The following KYNU variants were observed in gnomAD, a reference collection of about 807,000 sequenced individuals.
KYNU encodes the protein kynureninase.
In KYNU, 54 loss-of-function variants were observed where a neutral mutation model predicts 59.2. That is an observed-to-expected ratio of 0.91 (90% confidence interval 0.73 to 1.14). KYNU has a LOEUF of 1.14. Ranked by LOEUF, KYNU falls within the 50% of genes most tolerant of loss-of-function variation. The pLI is 0.00. For synonymous variants in KYNU, 177 were observed against 192.0 expected, an observed-to-expected ratio of 0.92 and a Z score of 0.65; for missense variants, 567 against 554.4, an observed-to-expected ratio of 1.02 and a Z score of -0.23.
intron 10 of KYNU, among the ~76,000 whole-genome samples, chr2:142,987,777 GA>G (rs1685261675): frequency 6.6e-6 from 1 of 151,922 alleles, no homozygotes; most frequent in South Asian, 2.1e-4. Context: ...ATCTCATGTA[GA>G]ATTGTAATCC....
chr2:143,011,778 T>C (rs1454194488), intron 10 of KYNU, among the ~76,000 whole-genome samples: 5 of 114,534 alleles, frequency 4.4e-5, no homozygotes, highest in South Asian at 3.3e-4. Flanking sequence ...ATGGATGAAA[T>C]TGGAAATCAT....
chr2:143,007,215 A>T (rs1345728945), intron 10 of KYNU, among the ~76,000 whole-genome samples: 3 of 150,372 alleles, frequency 2.0e-5, no homozygotes, highest in African/African-American at 7.5e-5. Flanking sequence ...TGCTTAAAGG[A>T]GCTGATGGAG....
intron 8 of KYNU, among the ~76,000 whole-genome samples, chr2:142,967,651 G>A (rs1684590139): frequency 6.6e-6 from 1 of 152,032 alleles, no homozygotes. Context: ...CCACCTCAGT[G>A]AACCTTCTAT....
chr2:142,952,088 T>C (rs1329255105), intron 4 of KYNU, among the ~76,000 whole-genome samples: 1 of 152,162 alleles, frequency 6.6e-6, no homozygotes, highest in Non-Finnish European at 1.5e-5. Context: ...TTTGTTTGTT[T>C]GTTTTGTTTT....
At chr2:142,917,828 AG>A (rs1682716013) in intron 2 of KYNU, among the ~76,000 whole-genome samples, 1 of 152,260 alleles carries the variant, frequency 6.6e-6, no homozygotes, top group Non-Finnish European at 1.5e-5. Flanking sequence ...GGTTTAATTA[AG>A]TAGTCTGAAG....
At chr2:142,943,963 A>G (rs1047432364) in intron 4 of KYNU, among the ~76,000 whole-genome samples, 2 of 152,206 alleles carry the variant, frequency 1.3e-5, no homozygotes, top group African/African-American at 4.8e-5. Context: ...CTCTTATCCA[A>G]TGGTAAACAG....
chr2:142,989,337 C>T, intron 10 of KYNU: 1 of 1,015,200 alleles, frequency 9.9e-7, no homozygotes, highest in Non-Finnish European at 1.2e-6. Flanking sequence ...TTTCTGTTCT[C>T]TTAGAGCTTT....
At chr2:142,905,696 T>C (rs549807413) in intron 2 of KYNU, among the ~76,000 whole-genome samples, 1 of 152,342 alleles carries the variant, frequency 6.6e-6, no homozygotes, top group Non-Finnish European at 1.5e-5. Flanking sequence ...TAAAGGTTAT[T>C]TTTCTACTTT....
chr2:142,916,266 C>G (rs1682665202), intron 2 of KYNU, among the ~76,000 whole-genome samples: 1 of 152,152 alleles, frequency 6.6e-6, no homozygotes, highest in Admixed American at 6.5e-5. Context: ...CTGATGAACT[C>G]TTTTAACATG....
chr2:142,986,152 C>T lies in KYNU; in HGVS notation c.902+131C>T, dbSNP rs1685192545. 5 of 693,952 alleles carry T rather than the reference C, an allele frequency of 7.2e-6. No homozygotes were observed. In the Admixed American group the frequency reaches 1.1e-4, roughly 15 times the overall value. 43.0% of individuals were successfully genotyped at this position (693,952 alleles called of 1,614,324 possible). On this transcript the variant is annotated intron_variant, in intron 10 of 13. Coordinates refer to ENST00000264170, the MANE Select transcript of KYNU (RefSeq NM_003937.3). ...GGATTGGATTATAATTATTTTCCTA[C>T]TCTGCTAACAACAATATACTTCATT...
chr2:142,990,525 A>G (rs1257440795), intron 10 of KYNU, among the ~76,000 whole-genome samples: 3 of 151,866 alleles, frequency 2.0e-5, no homozygotes, highest in African/African-American at 7.2e-5. Flanking sequence ...TAGAGAGTCT[A>G]CTATGAAAAC....
At chr2:142,949,374 T>G (rs1573827613) in intron 4 of KYNU, among the ~76,000 whole-genome samples, 1 of 152,228 alleles carries the variant, frequency 6.6e-6, no homozygotes, top group Non-Finnish European at 1.5e-5. Flanking sequence ...CCTTCTGCAC[T>G]GCCCTAGCAG....
intron 2 of KYNU, among the ~76,000 whole-genome samples, chr2:142,914,017 T>C (rs888729571): frequency 8.5e-5 from 13 of 152,338 alleles, no homozygotes; most frequent in African/African-American, 3.1e-4. Context: ...TTACAGTAGC[T>C]TCTACTGGGG....
At chr2:143,021,681 A>C (rs1175424031) in intron 10 of KYNU, among the ~76,000 whole-genome samples, 1 of 152,166 alleles carries the variant, frequency 6.6e-6, no homozygotes, top group Non-Finnish European at 1.5e-5. Flanking sequence ...ACACTATTGC[A>C]AGGACAGTAC....
At position 143,052,353 on chromosome 2, in the gene KYNU, C is replaced by T. The variant is rs1359468686; in HGVS notation, c.*10181C>T. ...TCTGAGGAGAAATTTAAGCTGGCTGCAGACATTTACATAAGTAACAAGAAG... is the reference window on the plus strand; with the variant it reads ...TCTGAGGAGAAATTTAAGCTGGCTGTAGACATTTACATAAGTAACAAGAAG... On this transcript the variant is annotated 3_prime_UTR_variant, in exon 14 of 14. Transcript: ENST00000264170. 1 of 152,218 alleles carries T rather than the reference C, an allele frequency of 6.6e-6. No individual in the cohort carries two copies. Among genetic ancestry groups the T allele is most frequent in the African/African-American group, 2.4e-5 (1 of 41,450 alleles). The allele number at this position is 152,218 out of a possible 1,614,324, so 9.4% of individuals were successfully genotyped here.
chr2:143,017,573 G>A (rs988752594), intron 10 of KYNU, among the ~76,000 whole-genome samples: 1 of 150,476 alleles, frequency 6.6e-6, no homozygotes, highest in African/African-American at 2.5e-5. Context: ...TCCTTAGCTG[G>A]GATTACAGGC....
At chr2:143,019,683 G>C (rs952573630) in intron 10 of KYNU, among the ~76,000 whole-genome samples, 2 of 152,154 alleles carry the variant, frequency 1.3e-5, no homozygotes, top group Non-Finnish European at 1.5e-5. Flanking sequence ...GAATGAGTTT[G>C]AAAGTATTCC....
chr2:142,923,483 G>C (rs1298252906), intron 3 of KYNU, among the ~76,000 whole-genome samples: 2 of 152,136 alleles, frequency 1.3e-5, no homozygotes, highest in Non-Finnish European at 2.9e-5. Flanking sequence ...GCAACAATAT[G>C]CCTGAAGCCT....
intron 2 of KYNU, among the ~76,000 whole-genome samples, chr2:142,917,812 T>C (rs1417561349): frequency 6.6e-6 from 1 of 152,244 alleles, no homozygotes; most frequent in African/African-American, 2.4e-5. Flanking sequence ...TTAAAAAGTC[T>C]TTAAAGGTTT....
Sources: gnomAD v4.1 joint callset for allele counts (sites outside exome capture counted in the v4.1 genomes callset) on GRCh38, gnomAD v4.1.1 for gene constraint, MANE v1.5 for transcripts, NCBI Gene and HGNC (gene_info 2026-07-23, HGNC 2026-07-21) for gene names.